The following RNF175 variants were observed in gnomAD, a reference collection of about 807,000 sequenced individuals.
The protein encoded by RNF175 is ring finger protein 175.
Under a neutral mutation model 50.0 loss-of-function variants are expected in RNF175, and 38 were observed. The observed-to-expected ratio is 0.76, with a 90% CI of 0.59 to 1.00. The LOEUF (loss-of-function observed/expected upper bound fraction) is 1.00. Ranked by LOEUF, RNF175 falls within the 50% of genes least tolerant of loss-of-function variation. The pLI, the probability that RNF175 is intolerant of heterozygous loss-of-function variation, is 0.00. For missense variants in RNF175, 388 were observed against 409.6 expected, an observed-to-expected ratio of 0.95 and a Z score of 0.46; for synonymous variants, 155 against 146.1, an observed-to-expected ratio of 1.06 and a Z score of -0.44.
intron 7 of RNF175, chr4:153,715,160 A>AC: frequency 2.9e-6 from 1 of 350,806 alleles, no homozygotes. Flanking sequence ...TCCCCCCTGC[A>AC]CCTGATACTT....
At chr4:153,754,203 CTGAT>C (rs1321073937) in intron 1 of RNF175, among the ~76,000 whole-genome samples, 1 of 150,674 alleles carries the variant, frequency 6.6e-6, no homozygotes, top group African/African-American at 2.4e-5. Flanking sequence ...AGTCTGGTAA[CTGAT>C]TGAGTGAGTA....
At chr4:153,732,498 A>G (rs1739100396) in intron 3 of RNF175, among the ~76,000 whole-genome samples, 1 of 152,230 alleles carries the variant, frequency 6.6e-6, no homozygotes. Flanking sequence ...TGGCCCAGTA[A>G]TATTTTCTAG....
At chr4:153,717,349 A>T (rs1737997787) in intron 6 of RNF175, among the ~76,000 whole-genome samples, 3 of 152,026 alleles carry the variant, frequency 2.0e-5, no homozygotes, top group Admixed American at 6.6e-5. Flanking sequence ...CTTTGCCCAG[A>T]CCTATAATGA....
Position 153,723,441 on chromosome 4 carries a change from A to G in RNF175, c.419T>C (p.Phe140Ser). ...ATAGCTGAGTTTGTAGATCAAAAGAAACCATTTGTAGACCAATCTGTGGAG... is the reference window on the plus strand; with the variant it reads ...ATAGCTGAGTTTGTAGATCAAAAGAGACCATTTGTAGACCAATCTGTGGAG... The part of the protein sequence containing the change: ...GRTPRLVYKW[F>S]LLIYKLSYAF... The change falls in exon 5 of 9, where the codon TTT (phenylalanine) becomes TCT (serine). Residue 140 changes from phenylalanine to serine, a missense_variant. Phe to Ser is a radical substitution (Grantham distance 155). Coordinates refer to ENST00000347063, the MANE Select transcript of RNF175 (RefSeq NM_173662.4). 1 of 1,591,786 alleles carries G rather than the reference A, an allele frequency of 6.3e-7. No homozygotes were observed. Among genetic ancestry groups the G allele is most frequent in the South Asian group, 1.1e-5 (1 of 89,852 alleles).
At chr4:153,759,592 G>T (rs1398395913) in intron 1 of RNF175, among the ~76,000 whole-genome samples, 1 of 152,148 alleles carries the variant, frequency 6.6e-6, no homozygotes, top group African/African-American at 2.4e-5. Context: ...CAGAAGTGGG[G>T]AGGGAGGGAG....
Position 153,712,553 on chromosome 4 carries a change from C to A in RNF175, c.788G>T (p.Gly263Val), listed in dbSNP as rs186171124. The change falls in exon 8 of 9, where the codon GGT becomes GTT. Residue 263 changes from glycine to valine, a missense_variant. Physicochemically the swap from Gly to Val is moderately radical, Grantham distance 109. Transcript: ENST00000347063. ...CTGCTTTTTCCCAACGATACACCAA[C>A]CTCGGATGCAGAATTCATGAAAGCT... ...NHVFHEFCIR[G>V]WCIVGKKQTC... 18 of 1,612,766 alleles carry A rather than the reference C, an allele frequency of 1.1e-5. No homozygotes were observed. In the Admixed American group the frequency reaches 2.7e-4, roughly 24 times the overall value.
At chr4:153,731,177 A>C (rs546287689) in intron 3 of RNF175, among the ~76,000 whole-genome samples, 117 of 152,380 alleles carry the variant, frequency 7.7e-4, no homozygotes, top group African/African-American at 2.8e-3. Flanking sequence ...AATGAGAGAC[A>C]CATTTCATAT....
chr4:153,755,668 G>T (rs4696488), intron 1 of RNF175, among the ~76,000 whole-genome samples: 3 of 148,684 alleles, frequency 2.0e-5, no homozygotes, highest in Non-Finnish European at 3.0e-5. Flanking sequence ...CCCCACCCCC[G>T]CAAAAAAAAT....
At chr4:153,739,884 TCCTTAATCTTGAA>T (rs1739557190) in intron 3 of RNF175, among the ~76,000 whole-genome samples, 1 of 152,164 alleles carries the variant, frequency 6.6e-6, no homozygotes, top group Non-Finnish European at 1.5e-5. Context: ...GTTTGGTGTC[TCCTTAATCTTGAA>T]AAATTATTGG....
At chr4:153,757,751 G>T (rs1417346580) in intron 1 of RNF175, among the ~76,000 whole-genome samples, 1 of 151,794 alleles carries the variant, frequency 6.6e-6, no homozygotes, top group African/African-American at 2.4e-5. Flanking sequence ...TAAACCCATG[G>T]TCTCTGCTCT....
chr4:153,758,287 G>A (rs1312279947), intron 1 of RNF175, among the ~76,000 whole-genome samples: 1 of 152,140 alleles, frequency 6.6e-6, no homozygotes, highest in South Asian at 2.1e-4. Flanking sequence ...GTTAAAATGC[G>A]GATTTCAATT....
At chr4:153,748,316 GCAC>G (rs1740087929) in intron 3 of RNF175, 1 of 209,056 alleles carries the variant, frequency 4.8e-6, no homozygotes, top group East Asian at 1.1e-4. Flanking sequence ...TTCAGTCTTG[GCAC>G]CATTGACATT....
chr4:153,711,045 A>G (rs2127079294), intron 8 of RNF175, among the ~76,000 whole-genome samples: 1 of 152,346 alleles, frequency 6.6e-6, no homozygotes, highest in African/African-American at 2.4e-5. Context: ...TTGAGTCTCA[A>G]TAAAAGAGTA....
chr4:153,752,709 A>C (rs1740353481), intron 1 of RNF175, among the ~76,000 whole-genome samples: 1 of 152,228 alleles, frequency 6.6e-6, no homozygotes, highest in Admixed American at 6.5e-5. Flanking sequence ...AATAAAATAC[A>C]TTATAGTCCT....
chr4:153,744,132 T>A (rs1739836268), intron 3 of RNF175, among the ~76,000 whole-genome samples: 1 of 152,080 alleles, frequency 6.6e-6, no homozygotes, highest in Admixed American at 6.5e-5. Context: ...TCAAAAATCA[T>A]CAAATCTGGC....
intron 6 of RNF175, among the ~76,000 whole-genome samples, chr4:153,716,635 A>G (rs939513850): frequency 2.1e-4 from 32 of 152,192 alleles, no homozygotes; most frequent in African/African-American, 7.5e-4. Flanking sequence ...GAGATTGGCT[A>G]TATACCACAT....
At chr4:153,723,233 A>G (rs1165179034) in intron 5 of RNF175, 118 bp downstream of exon 5, 2 of 581,054 alleles carry the variant, frequency 3.4e-6, no homozygotes, top group African/African-American at 1.9e-5. Context: ...TATCTACTAT[A>G]AAACATGTGT....
rs1740749402 is a variant in RNF175 at position 153,759,918 on chromosome 4, G to T, written c.-56C>A. 1 of 1,122,170 alleles carries T rather than the reference G, an allele frequency of 8.9e-7. No individual in the cohort carries two copies. 69.5% of individuals were successfully genotyped at this position (1,122,170 alleles called of 1,614,324 possible). A position where few individuals can be genotyped will look rare whatever the true frequency, so the allele number is the denominator to read the frequency against. Reference sequence around the variant, plus strand: ...AGCGCCTGCCGGGGAGGGTCCCGCAGAGTCCGCAGAAGGAGGCGCCGCGGG... The same window carrying T: ...AGCGCCTGCCGGGGAGGGTCCCGCATAGTCCGCAGAAGGAGGCGCCGCGGG... On this transcript the variant is annotated 5_prime_UTR_variant, in exon 1 of 9. The change creates a new upstream start codon in the 5' untranslated region. Transcript: ENST00000347063.
At chr4:153,742,347 G>GA (rs887329491) in intron 3 of RNF175, among the ~76,000 whole-genome samples, 21 of 148,922 alleles carry the variant, frequency 1.4e-4, no homozygotes, top group Non-Finnish European at 2.1e-4. Context: ...GTACTGCTTT[G>GA]AAAAAAAACA....
Sources: allele counts gnomAD v4.1 joint callset (sites outside exome capture counted in the v4.1 genomes callset), GRCh38; gene constraint gnomAD v4.1.1; transcripts MANE v1.5; gene names NCBI Gene and HGNC (gene_info 2026-07-23, HGNC 2026-07-21).